Variants in SPTLC3 observed in about 807,000 individuals in gnomAD.
SPTLC3 encodes the protein serine palmitoyltransferase long chain base subunit 3.
SPTLC3 carries 36 observed loss-of-function variants against 59.3 expected under a neutral mutation model. The observed-to-expected ratio is 0.61, with a 90% CI of 0.47 to 0.80. The LOEUF (loss-of-function observed/expected upper bound fraction) is 0.80, where lower values mean the gene tolerates loss of function less well. Among genes scored for constraint, SPTLC3 ranks in the 30% least tolerant of loss-of-function variants. The pLI is 0.00. For missense variants in SPTLC3, 625 were observed against 685.1 expected (o/e 0.91, Z 0.98); for synonymous variants, 257 against 240.8 (o/e 1.07, Z -0.62).
rs897925511 is a variant in SPTLC3 at position 13,064,536 on chromosome 20, C to G, written c.304-7720C>G. On this transcript the variant is annotated intron_variant, in intron 2 of 11. Transcript: ENST00000399002. ...TCTCAAACTCCTGACCTCAAGCGAT[C>G]CGCCTGCCTCAGCCTCTCCAAGTGC... Among the ~76,000 whole-genome samples the G allele has an allele frequency of 3.3e-5, 5 of 152,090 alleles. No homozygotes were observed. The South Asian group carries it at 1.0e-3, about 32-fold the overall frequency.
intron 1 of SPTLC3, among the ~76,000 whole-genome samples, chr20:13,032,612 A>C (rs753028136): frequency 7.0e-4 from 107 of 152,098 alleles, no homozygotes; most frequent in Admixed American, 2.2e-3. Context: ...GAAGGTCTTT[A>C]CCACCTCTCT....
intron 11 of SPTLC3, among the ~76,000 whole-genome samples, chr20:13,163,852 T>C (rs192350465): frequency 2.2e-4 from 33 of 152,330 alleles, no homozygotes; most frequent in Admixed American, 1.9e-3. Context: ...TAAAAAGGCA[T>C]GACCAATACC....
At chr20:13,080,306 A>G (rs566316437) in intron 4 of SPTLC3, among the ~76,000 whole-genome samples, 2 of 152,086 alleles carry the variant, frequency 1.3e-5, no homozygotes, top group African/African-American at 4.8e-5. Flanking sequence ...TCAAGAGATC[A>G]AGACCATCCT....
At chr20:13,147,477 A>G (rs1415623932) in intron 9 of SPTLC3, among the ~76,000 whole-genome samples, 1 of 152,070 alleles carries the variant, frequency 6.6e-6, no homozygotes, top group African/African-American at 2.4e-5. Flanking sequence ...CCTGCTGTCC[A>G]TTGAAACTTT....
chr20:13,060,264 G>A (rs1017872917), intron 2 of SPTLC3, among the ~76,000 whole-genome samples: 2 of 152,060 alleles, frequency 1.3e-5, no homozygotes, highest in African/African-American at 2.4e-5. Context: ...TTCAGTATAC[G>A]CAAAATCGCA....
intron 9 of SPTLC3, among the ~76,000 whole-genome samples, chr20:13,127,917 C>T (rs2038031965): frequency 6.6e-6 from 1 of 152,098 alleles, no homozygotes; most frequent in Non-Finnish European, 1.5e-5. Flanking sequence ...CTAGGAAGCC[C>T]TTATGGTATG....
intron 4 of SPTLC3, 70 bp downstream of exon 4, chr20:13,074,567 C>A: frequency 6.6e-7 from 1 of 1,506,268 alleles, no homozygotes. Flanking sequence ...TCTCTCAAAT[C>A]TAGATCATAT....
In SPTLC3 at chr20:13,091,156, T is replaced by C; in HGVS notation, c.681T>C (p.Phe227=). 6.2e-7 allele frequency: 1 copy of C among 1,613,978 alleles called. No homozygotes were observed. Among genetic ancestry groups the C allele is most frequent in the Non-Finnish European group, 8.5e-7 (1 of 1,179,908 alleles). The part of the protein sequence containing the change: ...KFLNVEAAMV[F]GMGFATNSMN... ...TGAATGTGGAAGCAGCTATGGTCTT[T>C]GGGATGGGATTCGCAACTAACTCAA... Residue 227 remains phenylalanine, a synonymous_variant, in exon 5 of 12, where the codon TTT becomes TTC. Coordinates refer to ENST00000399002, the MANE Select transcript of SPTLC3 (RefSeq NM_018327.4).
intron 9 of SPTLC3, among the ~76,000 whole-genome samples, chr20:13,131,199 T>C (rs2038112957): frequency 1.3e-5 from 2 of 152,208 alleles, no homozygotes; most frequent in African/African-American, 4.8e-5. Flanking sequence ...TTTCAAGTAA[T>C]CAATCAACAT....
chr20:13,091,793 T>C (rs1217703702), intron 5 of SPTLC3, among the ~76,000 whole-genome samples: 1 of 152,148 alleles, frequency 6.6e-6, no homozygotes, highest in Non-Finnish European at 1.5e-5. Context: ...TGAGTTCCCA[T>C]CTGCAACTTC....
intron 1 of SPTLC3, among the ~76,000 whole-genome samples, chr20:13,017,653 A>T (rs980498654): frequency 2.0e-5 from 3 of 152,134 alleles, no homozygotes; most frequent in African/African-American, 4.8e-5. Flanking sequence ...AGCTATCATT[A>T]GTGTTAGTGT....
chr20:13,061,666 AC>A (rs1249382682), intron 2 of SPTLC3, among the ~76,000 whole-genome samples: 1 of 152,062 alleles, frequency 6.6e-6, no homozygotes, highest in Non-Finnish European at 1.5e-5. Context: ...TTTCCTTTGT[AC>A]CCAAAGTCAA....
At chr20:13,022,460 C>G (rs896500046) in intron 1 of SPTLC3, among the ~76,000 whole-genome samples, 3 of 152,144 alleles carry the variant, frequency 2.0e-5, no homozygotes, top group African/African-American at 7.2e-5. Context: ...AGAAAAGGAA[C>G]AGTGAGGACA....
At chr20:13,080,549 G>A (rs115599067) in intron 4 of SPTLC3, among the ~76,000 whole-genome samples, 2,299 of 148,022 alleles carry the variant, frequency 0.016, 56 homozygotes, top group African/African-American at 0.053. Flanking sequence ...CCAGGATAGT[G>A]TGACATTTCT....
At chr20:13,067,044 CATATATATATAT>C (rs143918659) in intron 2 of SPTLC3, among the ~76,000 whole-genome samples, 5 of 71,128 alleles carry the variant, frequency 7.0e-5, no homozygotes, top group Non-Finnish European at 6.5e-5. Context: ...GTCACTTCTA[CATATATATATAT>C]ATATATATAT....
At chr20:13,064,647 C>T (rs1473254941) in intron 2 of SPTLC3, among the ~76,000 whole-genome samples, 1 of 152,108 alleles carries the variant, frequency 6.6e-6, no homozygotes, top group Non-Finnish European at 1.5e-5. Context: ...ACCTATTTTC[C>T]TATTATTTGG....
At position 13,075,667 on chromosome 20, in the gene SPTLC3, G is replaced by T. The variant is rs535636303; in HGVS notation, c.607+1170G>T. Among the ~76,000 whole-genome samples, 4 of 152,258 alleles carry T rather than the reference G, an allele frequency of 2.6e-5. No homozygotes were observed. In the Middle Eastern group the frequency reaches 0.01, roughly 388 times the overall value. On this transcript the variant is annotated intron_variant, in intron 4 of 11. Coordinates refer to ENST00000399002, the MANE Select transcript of SPTLC3 (RefSeq NM_018327.4). ...GCTTTACTCCACTTAGAAGGACTGG[G>T]TCACCGGTGATGCCCCATTTGGAGA...
intron 4 of SPTLC3, among the ~76,000 whole-genome samples, chr20:13,085,177 C>A (rs1481483114): frequency 6.6e-6 from 1 of 152,154 alleles, no homozygotes; most frequent in African/African-American, 2.4e-5. Context: ...TGCTTCGTAA[C>A]TGTATGACCT....
At chr20:13,102,099 A>G (rs1052292385) in intron 6 of SPTLC3, among the ~76,000 whole-genome samples, 10 of 152,218 alleles carry the variant, frequency 6.6e-5, no homozygotes, top group Non-Finnish European at 1.3e-4. Flanking sequence ...TGTTTGCCAG[A>G]AAACTCTGAG....
Sources: allele counts gnomAD v4.1 joint callset (sites outside exome capture counted in the v4.1 genomes callset), GRCh38; gene constraint gnomAD v4.1.1; transcripts MANE v1.5; gene names NCBI Gene and HGNC (gene_info 2026-07-23, HGNC 2026-07-21).